The following ELOVL4 variants were observed in gnomAD, a reference collection of about 807,000 sequenced individuals.
ELOVL4 encodes the protein very long chain fatty acid elongase 4.
A neutral mutation model predicts 42.1 loss-of-function variants in ELOVL4; 18 were observed. That is an observed-to-expected ratio of 0.43 (90% CI 0.30 to 0.63). The LOEUF is 0.63. Among genes scored for constraint, ELOVL4 ranks in the 30% least tolerant of loss-of-function variants. The pLI is 0.15. For synonymous variants in ELOVL4, 117 were observed against 127.0 expected, an observed-to-expected ratio of 0.92 and a Z score of 0.53; for missense variants, 299 against 376.2, an observed-to-expected ratio of 0.79 and a Z score of 1.70.
rs1037901945 is a variant in ELOVL4, at chr6:79,947,469, C to T, written c.-190G>A. On this transcript the variant is annotated 5_prime_UTR_variant, in exon 1 of 6. Transcript: ENST00000369816. Reference sequence around the variant, plus strand: ...GGATGCGGCAGAAGGCAGGGCCAAGCGGAAGGCGTCGTCAAGGTTCCCGGG... The same window carrying T: ...GGATGCGGCAGAAGGCAGGGCCAAGTGGAAGGCGTCGTCAAGGTTCCCGGG... 1.5e-5 allele frequency: 9 copies of T among 610,036 alleles called. No homozygotes were observed. The highest frequency in any genetic ancestry group is 2.6e-5 in the Non-Finnish European group (9 of 343,690). The allele number at this position is 610,036 out of a possible 1,614,324, so 37.8% of individuals were successfully genotyped here. A position where few individuals can be genotyped will look rare whatever the true frequency, so the allele number is the denominator to read the frequency against.
At chr6:79,930,780 A>G (rs776586643) in intron 1 of ELOVL4, among the ~76,000 whole-genome samples, 2 of 152,162 alleles carry the variant, frequency 1.3e-5, no homozygotes, top group Non-Finnish European at 2.9e-5. Context: ...GAATGTTTAA[A>G]AATATATATT....
intron 1 of ELOVL4, among the ~76,000 whole-genome samples, chr6:79,939,503 C>T (rs1443415068): frequency 6.9e-6 from 1 of 145,452 alleles, no homozygotes; most frequent in Non-Finnish European, 1.5e-5. Context: ...AATTTGACTA[C>T]TTTATTTATT....
At chr6:79,940,469 A>G (rs1455893764) in intron 1 of ELOVL4, among the ~76,000 whole-genome samples, 3 of 152,230 alleles carry the variant, frequency 2.0e-5, no homozygotes, top group Non-Finnish European at 2.9e-5. Flanking sequence ...TATCAATTTT[A>G]CAAAAATCTT....
At chr6:79,945,430 C>T (rs936286852) in intron 1 of ELOVL4, among the ~76,000 whole-genome samples, 6 of 152,128 alleles carry the variant, frequency 3.9e-5, no homozygotes, top group African/African-American at 1.4e-4. Flanking sequence ...GTTTCTTTTA[C>T]ACAAACATCA....
chr6:79,917,012 T>C, intron 5 of ELOVL4, 129 bp from the exon 6 acceptor site: 8 of 922,046 alleles, frequency 8.7e-6, no homozygotes, highest in South Asian at 1.5e-5. Flanking sequence ...TATTGTTTTC[T>C]GGCTCCCATG....
Position 79,916,691 on chromosome 6 carries a change from C to T in ELOVL4, c.862G>A (p.Ala288Thr). ...AGKTAMNGIS[A>T]NGVSKSEKQL... ...TTTTCTGATTTGCTCACACCATTTGCTGAAATACCATTCATGGCTGTTTTT... is the reference window on the plus strand; with the variant it reads ...TTTTCTGATTTGCTCACACCATTTGTTGAAATACCATTCATGGCTGTTTTT... The change falls in exon 6 of 6, where the codon GCA (alanine) becomes ACA (threonine). Residue 288 changes from alanine to threonine, a missense_variant. Ala to Thr is a moderately conservative substitution (Grantham distance 58, BLOSUM62 0). Coordinates refer to ENST00000369816, the MANE Select transcript of ELOVL4 (RefSeq NM_022726.4). The T allele has an allele frequency of 1.2e-6, 2 of 1,614,140 alleles. No homozygotes were observed. Among genetic ancestry groups the T allele is most frequent in the Middle Eastern group, 1.7e-4 (1 of 6,060 alleles).
chr6:79,946,936 T>G (rs1269576054), intron 1 of ELOVL4, among the ~76,000 whole-genome samples: 1 of 152,084 alleles, frequency 6.6e-6, no homozygotes, highest in Non-Finnish European at 1.5e-5. Context: ...ATCCGAGAGC[T>G]GATGAGAGAT....
chr6:79,943,247 T>C (rs1002259999), intron 1 of ELOVL4, among the ~76,000 whole-genome samples: 3 of 152,190 alleles, frequency 2.0e-5, no homozygotes, highest in African/African-American at 4.8e-5. Flanking sequence ...AAGACAAACC[T>C]GCTTTTACTT....
chr6:79,934,267 G>A (rs1774505771), intron 1 of ELOVL4, among the ~76,000 whole-genome samples: 1 of 152,108 alleles, frequency 6.6e-6, no homozygotes, highest in African/African-American at 2.4e-5. Context: ...TGGGTGAAAT[G>A]GCAGCAAATA....
Position 79,921,644 on chromosome 6 carries a change from C to T in ELOVL4, c.522G>A (p.Lys174=). ...GCTCACCTTGTCCTCCTGCAACCCA[C>T]TTAATTCCAATCCACCACAAGGTAA... ...TMFTLWWIGI[K]WVAGGQAFFG... Residue 174 remains lysine, a synonymous_variant, in exon 4 of 6, where the codon AAG becomes AAA. Transcript: ENST00000369816. 6.2e-7 allele frequency: 1 copy of T among 1,614,024 alleles called. No individual in the cohort carries two copies. The highest frequency in any genetic ancestry group is 8.5e-7 in the Non-Finnish European group (1 of 1,180,006).
In ELOVL4 at chr6:79,919,415, C is replaced by G. The variant is rs1385945645; in HGVS notation, c.669+5G>C. ...CAGAAGAAACTTTGGAAGCATTTAA[C>G]TCACCAGTTGCAACATAGTCAGGTA... is the stretch of plus-strand genomic sequence containing the variant. On this transcript the variant is annotated splice_donor_5th_base_variant and intron_variant, in intron 5 of 5. Coordinates refer to ENST00000369816, the MANE Select transcript of ELOVL4 (RefSeq NM_022726.4). 1 of 1,613,674 alleles carries G rather than the reference C, an allele frequency of 6.2e-7. No individual in the cohort carries two copies. Among genetic ancestry groups the G allele is most frequent in the Non-Finnish European group, 8.5e-7 (1 of 1,179,744 alleles).
chr6:79,921,459 C>CA lies in ELOVL4; in HGVS notation c.541+165dup, dbSNP rs1168483827. ...CTGGTGACAGAGCGAGACTCCATCT[C>CA]AAAAAAAAAAAAAAAAAAAAAAAAA... On this transcript the variant is annotated intron_variant, in intron 4 of 5. Coordinates refer to ENST00000369816, the MANE Select transcript of ELOVL4 (RefSeq NM_022726.4). 4.7e-3 allele frequency among the ~76,000 whole-genome samples: 200 copies of CA among 42,382 alleles called. 16 individuals carry two copies. Among genetic ancestry groups the CA allele is most frequent in the Middle Eastern group, 0.043 (2 of 46 alleles). 27.8% of individuals were successfully genotyped at this position (42,382 alleles called of 152,430 possible).
At position 79,914,913 on chromosome 6, in the gene ELOVL4, A is replaced by G. The variant is rs1367104792; in HGVS notation, c.*1695T>C. ...ACAGAATGTTCACAAAGATTTACAA[A>G]TCTCAGTCATTACACACTGAGCAAC... On this transcript the variant is annotated 3_prime_UTR_variant, in exon 6 of 6. Coordinates refer to ENST00000369816, the MANE Select transcript of ELOVL4 (RefSeq NM_022726.4). 6.6e-6 allele frequency: 1 copy of G among 152,592 alleles called. No homozygotes were observed. Among genetic ancestry groups the G allele is most frequent in the East Asian group, 1.9e-4 (1 of 5,204 alleles). The allele number at this position is 152,592 out of a possible 1,614,324, so 9.5% of individuals were successfully genotyped here.
At position 79,916,616 on chromosome 6, in the gene ELOVL4, C is replaced by A; in HGVS notation, c.937G>T (p.Gly313Ter). The A allele has an allele frequency of 6.2e-7, 1 of 1,613,910 alleles. No homozygotes were observed. Among genetic ancestry groups the A allele is most frequent in the Non-Finnish European group, 8.5e-7 (1 of 1,180,000 alleles). Residue 313 changes from glycine to a stop codon, truncating the protein, a stop_gained, in exon 6 of 6, where the codon GGA (glycine) becomes TGA (stop). Coordinates refer to ENST00000369816, the MANE Select transcript of ELOVL4 (RefSeq NM_022726.4). LOFTEE classifies it high-confidence loss of function. ...TTAAGGCCCAGTTCAATTTAATCTC[C>A]TTTTGCTTTTCCATTTTTCTGCTTT... ...GKKQKNGKAK[G>*]D is the part of the protein sequence containing the mutation.
intron 3 of ELOVL4, among the ~76,000 whole-genome samples, chr6:79,924,621 C>A (rs772159769): frequency 2.0e-5 from 3 of 151,758 alleles, no homozygotes; most frequent in Non-Finnish European, 4.4e-5. Flanking sequence ...GGATCCCTTG[C>A]GGCTGGGAGT....
intron 2 of ELOVL4, 89 bp downstream of exon 2, chr6:79,926,105 G>C: frequency 8.2e-7 from 1 of 1,214,510 alleles, no homozygotes; most frequent in Non-Finnish European, 1.2e-6. Flanking sequence ...TTATGTCTGG[G>C]TAAAATATTA....
rs116663220 is a variant in ELOVL4 at position 79,936,898 on chromosome 6, T to C, written c.100+10282A>G. ...GTGAAGAATAGCATGATCAGTTTCC[T>C]GTATAGTCAGCATGATTAGCAGGGA... On this transcript the variant is annotated intron_variant, in intron 1 of 5. Transcript: ENST00000369816. Among the ~76,000 whole-genome samples the C allele has an allele frequency of 5.7e-3, 867 of 152,308 alleles. 8 individuals carry two copies. Among genetic ancestry groups the C allele is most frequent in the African/African-American group, 0.02 (816 of 41,554 alleles).
intron 1 of ELOVL4, 56 bp downstream of exon 1, chr6:79,947,124 G>C: frequency 2.1e-6 from 3 of 1,429,116 alleles, no homozygotes; most frequent in Middle Eastern, 1.9e-4. Flanking sequence ...GCGAGACCAG[G>C]GGCCGGTGAC....
intron 1 of ELOVL4, among the ~76,000 whole-genome samples, chr6:79,930,551 A>G (rs1442132795): frequency 6.6e-6 from 1 of 152,142 alleles, no homozygotes; most frequent in Non-Finnish European, 1.5e-5. Flanking sequence ...CAAATATTCT[A>G]TATTTCTTTC....
Sources: allele counts gnomAD v4.1 joint callset (sites outside exome capture counted in the v4.1 genomes callset), GRCh38; gene constraint gnomAD v4.1.1; transcripts MANE v1.5; gene names NCBI Gene and HGNC (gene_info 2026-07-23, HGNC 2026-07-21).